The following FTO variants were observed in gnomAD, a reference collection of about 807,000 sequenced individuals.
The protein encoded by FTO is FTO alpha-ketoglutarate dependent dioxygenase, also known as alpha-ketoglutarate-dependent dioxygenase FTO.
FTO carries 47 observed loss-of-function variants against 63.9 expected under a neutral mutation model. The observed-to-expected ratio is 0.74, with a 90% confidence interval of 0.58 to 0.94. The LOEUF (loss-of-function observed/expected upper bound fraction) is 0.94, where lower values mean the gene tolerates loss of function less well. FTO is among the 40% of genes least tolerant of loss of function. The probability of loss-of-function intolerance (pLI) is 0.00; values close to 1 mark genes in which losing one functional copy is unlikely to be tolerated. For synonymous variants in FTO, 207 were observed against 224.4 expected, an observed-to-expected ratio of 0.92 and a Z score of 0.69; for missense variants, 562 against 618.1, an observed-to-expected ratio of 0.91 and a Z score of 0.96.
At chr16:53,877,906 T>G (rs1336549080) in intron 5 of FTO, among the ~76,000 whole-genome samples, 1 of 152,240 alleles carries the variant, frequency 6.6e-6, no homozygotes, top group Non-Finnish European at 1.5e-5. Flanking sequence ...TTGTTTCTAA[T>G]CTTGCATGAA....
At chr16:54,099,043 G>A (rs568106162) in intron 8 of FTO, among the ~76,000 whole-genome samples, 9 of 152,286 alleles carry the variant, frequency 5.9e-5, no homozygotes, top group Non-Finnish European at 1.3e-4. Flanking sequence ...GATTTGGAAA[G>A]GGTTATCTTT....
intron 1 of FTO, among the ~76,000 whole-genome samples, chr16:53,753,169 C>T (rs1044606810): frequency 9.3e-5 from 14 of 151,346 alleles, no homozygotes; most frequent in Non-Finnish European, 1.2e-4. Context: ...GGGAGGATCA[C>T]CTGAGCCTAG....
At chr16:53,960,459 A>T (rs926607728) in intron 8 of FTO, among the ~76,000 whole-genome samples, 12 of 152,306 alleles carry the variant, frequency 7.9e-5, no homozygotes, top group South Asian at 6.2e-4. Flanking sequence ...GAAAGTATGA[A>T]TTTTTATCTC....
chr16:53,886,189 CCAAGTTTTAATTTA>C (rs1468293589), intron 6 of FTO, among the ~76,000 whole-genome samples: 1 of 152,168 alleles, frequency 6.6e-6, no homozygotes, highest in Non-Finnish European at 1.5e-5. Flanking sequence ...CTCCTTGCTT[CCAAGTTTTAATTTA>C]CTGAAATCCA....
rs144965517 is a variant in FTO at position 53,874,136 on chromosome 16, A to G, written c.975+271A>G. Among the ~76,000 whole-genome samples, 519 of 152,306 alleles carry G rather than the reference A, an allele frequency of 3.4e-3. 3 individuals carry two copies. Among genetic ancestry groups the G allele is most frequent in the Non-Finnish European group, 5.9e-3 (402 of 68,032 alleles). ...ATGCCGTTGACAAGTGTTTATAGTT[A>G]GAGGTTTATTTAGAGGGTTGTATCT... On this transcript the variant is annotated intron_variant, in intron 5 of 8. Coordinates refer to ENST00000471389, the MANE Select transcript of FTO (RefSeq NM_001080432.3).
At chr16:53,893,147 C>G (rs1176316734) in intron 7 of FTO, among the ~76,000 whole-genome samples, 8 of 152,138 alleles carry the variant, frequency 5.3e-5, no homozygotes, top group African/African-American at 1.7e-4. Flanking sequence ...AATATTACCT[C>G]ATGAATTTAT....
intron 7 of FTO, among the ~76,000 whole-genome samples, chr16:53,899,740 T>C (rs907804612): frequency 6.6e-6 from 1 of 152,124 alleles, no homozygotes; most frequent in Admixed American, 6.5e-5. Context: ...GGATTGAGCT[T>C]TTCCTTTGGG....
At chr16:53,873,699 T>A in intron 4 of FTO, 87 bp from the exon 5 acceptor site, 1 of 985,124 alleles carries the variant, frequency 1.0e-6, no homozygotes, top group Non-Finnish European at 1.6e-6. Context: ...ATAGATTTAC[T>A]GTTTACTTTG....
intron 8 of FTO, among the ~76,000 whole-genome samples, chr16:54,016,307 A>AAC (rs11399937): frequency 0.53 from 79,285 of 150,996 alleles, 23,428 homozygotes; most frequent in African/African-American, 0.79. Flanking sequence ...AAAAAAAAAA[A>AAC]AAAAAAAACT....
chr16:54,055,023 T>A (rs1348869096), intron 8 of FTO, among the ~76,000 whole-genome samples: 1 of 152,154 alleles, frequency 6.6e-6, no homozygotes, highest in Non-Finnish European at 1.5e-5. Flanking sequence ...GCATGAAAAT[T>A]CATGGAAGGA....
At chr16:53,841,544 G>T (rs921529285) in intron 3 of FTO, among the ~76,000 whole-genome samples, 2 of 152,126 alleles carry the variant, frequency 1.3e-5, no homozygotes, top group Non-Finnish European at 1.5e-5. Flanking sequence ...TTCCTTCCTT[G>T]CAGAGACCAT....
Position 53,822,711 on chromosome 16 carries a change from A to G in FTO, c.124-3153A>G, listed in dbSNP as rs549677744. On this transcript the variant is annotated intron_variant, in intron 2 of 8. Transcript: ENST00000471389. ...TGTATATGTGTGTGTGTATATATATATATGCATACATATTTTAATAATGCT... is the reference window on the plus strand; with the variant it reads ...TGTATATGTGTGTGTGTATATATATGTATGCATACATATTTTAATAATGCT... Among the ~76,000 whole-genome samples the G allele has an allele frequency of 1.4e-4, 21 of 152,236 alleles. 1 individual carries two copies. The South Asian group carries it at 4.4e-3, about 32-fold the overall frequency.
intron 4 of FTO, among the ~76,000 whole-genome samples, chr16:53,867,381 G>A (rs12918363): frequency 0.38 from 58,185 of 151,892 alleles, 12,730 homozygotes; most frequent in East Asian, 0.72. Context: ...TTTTGAGATG[G>A]AATAAGTGAA....
At chr16:54,090,445 G>C (rs983348012) in intron 8 of FTO, among the ~76,000 whole-genome samples, 10 of 152,150 alleles carry the variant, frequency 6.6e-5, no homozygotes, top group African/African-American at 2.2e-4. Context: ...CAAAGTTTTA[G>C]AAATAGATAG....
At chr16:54,075,769 G>T (rs549185441) in intron 8 of FTO, among the ~76,000 whole-genome samples, 1 of 152,082 alleles carries the variant, frequency 6.6e-6, no homozygotes, top group Admixed American at 6.6e-5. Context: ...GAAATTTTTC[G>T]ATGAAATTAA....
chr16:53,771,445 G>C (rs1044622633), intron 1 of FTO, among the ~76,000 whole-genome samples: 1 of 151,738 alleles, frequency 6.6e-6, no homozygotes, highest in Non-Finnish European at 1.5e-5. Context: ...CTGGATCATC[G>C]CAATTTCTTC....
intron 6 of FTO, among the ~76,000 whole-genome samples, chr16:53,881,803 G>A (rs1390710070): frequency 2.6e-5 from 4 of 152,110 alleles, no homozygotes; most frequent in Non-Finnish European, 5.9e-5. Flanking sequence ...TAAAAAGGGA[G>A]CTTTATATTG....
intron 8 of FTO, among the ~76,000 whole-genome samples, chr16:54,030,643 C>A (rs545224327): frequency 1.6e-4 from 25 of 152,162 alleles, no homozygotes; most frequent in African/African-American, 6.0e-4. Context: ...CAGTTTTGAC[C>A]AAGCACTTCC....
At chr16:53,771,971 G>A (rs2077350968) in intron 1 of FTO, among the ~76,000 whole-genome samples, 1 of 152,080 alleles carries the variant, frequency 6.6e-6, no homozygotes, top group Admixed American at 6.6e-5. Context: ...GGGAGTGACT[G>A]CTAATGGATG....
Sources: gnomAD v4.1 joint callset for allele counts (sites outside exome capture counted in the v4.1 genomes callset) on GRCh38, gnomAD v4.1.1 for gene constraint, MANE v1.5 for transcripts, NCBI Gene and HGNC (gene_info 2026-07-23, HGNC 2026-07-21) for gene names.